The following KCNT1 variants were observed in gnomAD, a reference collection of about 807,000 sequenced individuals.
KCNT1 encodes potassium channel subfamily T member 1.
In KCNT1, 78 loss-of-function variants were observed where a neutral mutation model predicts 147.8. The observed-to-expected ratio is 0.53, with a 90% CI of 0.44 to 0.64. The LOEUF (loss-of-function observed/expected upper bound fraction) is 0.64. KCNT1 is among the 30% of genes least tolerant of loss of function. KCNT1 has a pLI of 0.00. For missense variants in KCNT1, 1,419 were observed against 1,750.3 expected (o/e 0.81, Z 3.38); for synonymous variants, 867 against 748.8 (o/e 1.16, Z -2.58).
At chr9:135,710,088 T>C (rs1588249031) in intron 1 of KCNT1, among the ~76,000 whole-genome samples, 1 of 152,212 alleles carries the variant, frequency 6.6e-6, no homozygotes, top group Non-Finnish European at 1.5e-5. Flanking sequence ...CGCTTATTCT[T>C]TCCTTTTGCC....
At chr9:135,707,121 A>AT (rs1293152289) in intron 1 of KCNT1, among the ~76,000 whole-genome samples, 1 of 149,700 alleles carries the variant, frequency 6.7e-6, no homozygotes, top group Non-Finnish European at 1.5e-5. Flanking sequence ...CCCTGTCTCT[A>AT]CAAAAAAAAA....
At chr9:135,759,383 C>G (rs1320646450) in intron 10 of KCNT1, among the ~76,000 whole-genome samples, 1 of 150,198 alleles carries the variant, frequency 6.7e-6, no homozygotes, top group Non-Finnish European at 1.5e-5. Flanking sequence ...TAGGAGAGAG[C>G]CACCCGGCAG....
intron 28 of KCNT1, 115 bp downstream of exon 28, chr9:135,785,445 G>C: frequency 2.4e-6 from 3 of 1,266,078 alleles, no homozygotes; most frequent in Non-Finnish European, 3.2e-6. Context: ...CCCTGGGAAA[G>C]CCGAGGCAGG....
intron 2 of KCNT1, chr9:135,742,809 T>C: frequency 1.4e-6 from 1 of 717,208 alleles, no homozygotes. Flanking sequence ...CTCCTCCCTG[T>C]CTCAGTAAGT....
intron 20 of KCNT1, among the ~76,000 whole-genome samples, chr9:135,775,962 A>C (rs1377242664): frequency 1.3e-5 from 2 of 151,198 alleles, no homozygotes; most frequent in African/African-American, 2.4e-5. Flanking sequence ...ATATTTTTGC[A>C]GAGCAGGGAC....
At chr9:135,755,358 GACCCAGGCTCAGCAAATGCTGAGGACAA>G (rs1249128949) in intron 6 of KCNT1, among the ~76,000 whole-genome samples, 189 bp downstream of exon 6, 1 of 143,344 alleles carries the variant, frequency 7.0e-6, no homozygotes, top group Non-Finnish European at 1.5e-5. Context: ...GTAAGCAGGG[GACCCAGGCTCAGCAAATGCTGAGGACAA>G]ACCCAGGCTC....
In KCNT1 at chr9:135,792,223, CGT is replaced by C. The variant is rs1288871296; in HGVS notation, c.*66_*67del. 2 of 1,553,618 alleles carry C rather than the reference CGT, an allele frequency of 1.3e-6. No individual in the cohort carries two copies. Among genetic ancestry groups the C allele is most frequent in the Non-Finnish European group, 8.7e-7 (1 of 1,150,600 alleles). ...GGTCCTCAGGAAGGACGTGGAGGAG[CGT>C]GTGAGGACACGGTGGCACTAGCGTG... is the stretch of plus-strand genomic sequence containing the variant. On this transcript the variant is annotated 3_prime_UTR_variant, in exon 31 of 31. Coordinates refer to ENST00000371757, the MANE Select transcript of KCNT1 (RefSeq NM_020822.3).
At chr9:135,772,413 C>T (rs899381923) in intron 18 of KCNT1, among the ~76,000 whole-genome samples, 1 of 152,204 alleles carries the variant, frequency 6.6e-6, no homozygotes, top group African/African-American at 2.4e-5. Flanking sequence ...CCCCCGAGCC[C>T]AGAATCAGCC....
intron 19 of KCNT1, 101 bp from the exon 20 acceptor site, chr9:135,775,209 G>A: frequency 1.3e-6 from 1 of 771,002 alleles, no homozygotes; most frequent in Non-Finnish European, 2.1e-6. Flanking sequence ...GTGGCTGTGG[G>A]TGGAGTGGGT....
At chr9:135,751,767 G>A (rs1299862050) in intron 4 of KCNT1, among the ~76,000 whole-genome samples, 4 of 152,182 alleles carry the variant, frequency 2.6e-5, no homozygotes, top group Admixed American at 2.6e-4. Context: ...GGCCTGTCCT[G>A]AGTCATGTCT....
chr9:135,738,423 G>A (rs1830426040), intron 2 of KCNT1, among the ~76,000 whole-genome samples: 1 of 152,202 alleles, frequency 6.6e-6, no homozygotes, highest in Admixed American at 6.5e-5. Flanking sequence ...GACTTGGTAG[G>A]TTTGTTCTTC....
At position 135,756,869 on chromosome 9, in the gene KCNT1, C is replaced by G. The variant is rs888766216; in HGVS notation, c.541-4C>G. 5.6e-6 allele frequency: 9 copies of G among 1,613,120 alleles called. No homozygotes were observed. The highest frequency in any genetic ancestry group is 1.7e-5 in the Admixed American group (1 of 60,006). On this transcript the variant is annotated splice_polypyrimidine_tract_variant and splice_region_variant and intron_variant, in intron 6 of 30. Transcript: ENST00000371757. The stretch of plus-strand genomic sequence containing the variant: ...CAGAGCTCCTTCCCTTTCCTGACTC[C>G]CAGGTCATCGTGGCCATAATAAGCT...
intron 1 of KCNT1, among the ~76,000 whole-genome samples, chr9:135,708,778 C>G (rs1835358349): frequency 6.6e-6 from 1 of 152,212 alleles, no homozygotes; most frequent in African/African-American, 2.4e-5. Flanking sequence ...CTCCTGGGCT[C>G]AAGTGATCTG....
chr9:135,790,106 T>TG (rs1834382003), intron 29 of KCNT1: 1 of 151,830 alleles, frequency 6.6e-6, no homozygotes, highest in South Asian at 2.1e-4. Context: ...AGCTGGGGCC[T>TG]GGGGGCCAGT....
chr9:135,714,408 C>T lies in KCNT1; in HGVS notation c.111-169C>T, dbSNP rs991554148. The T allele has an allele frequency of 1.6e-5, 3 of 186,830 alleles. No individual in the cohort carries two copies. Among genetic ancestry groups the T allele is most frequent in the East Asian group, 3.8e-4 (2 of 5,248 alleles). 11.6% of individuals were successfully genotyped at this position (186,830 alleles called of 1,614,324 possible). A position where few individuals can be genotyped will look rare whatever the true frequency, so the allele number is the denominator to read the frequency against. On this transcript the variant is annotated intron_variant, in intron 1 of 30. Transcript: ENST00000371757. This position sits in a 1 kb window ranked among gnomAD's most constrained non-coding sequence, Gnocchi z 6.2. The stretch of plus-strand genomic sequence containing the variant: ...AGCCCGGCGCAGCCGGTCCCGCGCG[C>T]CCCCGCCCGCATGTGCCGCCAGGCC...
intron 2 of KCNT1, among the ~76,000 whole-genome samples, chr9:135,732,022 A>AGAGAGAGAGAGG (rs1836492576): frequency 3.9e-5 from 5 of 129,408 alleles, no homozygotes; most frequent in Admixed American, 1.5e-4. Flanking sequence ...AGAGAGAGAG[A>AGAGAGAGAGAGG]GAGAGAGAGA....
In KCNT1 at chr9:135,793,583, C is replaced by T. The variant is rs1834691172; in HGVS notation, c.*1422C>T. The T allele has an allele frequency of 6.6e-6, 1 of 152,300 alleles. No individual in the cohort carries two copies. Among genetic ancestry groups the T allele is most frequent in the Non-Finnish European group, 1.5e-5 (1 of 68,102 alleles). 9.4% of individuals were successfully genotyped at this position (152,300 alleles called of 1,614,324 possible). ...ACCTCACCACGTTCACTTCAGGGTA[C>T]CCCAAGAGGCTGAAGGGGAAGGACC... On this transcript the variant is annotated 3_prime_UTR_variant, in exon 31 of 31. Transcript: ENST00000371757.
At chr9:135,762,012 C>T (rs1026846825) in intron 11 of KCNT1, among the ~76,000 whole-genome samples, 32 of 152,380 alleles carry the variant, frequency 2.1e-4, no homozygotes, top group African/African-American at 7.5e-4. Flanking sequence ...GTGGCACCCA[C>T]GGGTAAGGGC....
intron 2 of KCNT1, among the ~76,000 whole-genome samples, chr9:135,744,054 C>T (rs747676443): frequency 6.6e-6 from 1 of 152,100 alleles, no homozygotes; most frequent in Non-Finnish European, 1.5e-5. Context: ...AAGAGCCAGC[C>T]GGCACCCAGC....
Sources: allele counts gnomAD v4.1 joint callset (sites outside exome capture counted in the v4.1 genomes callset), GRCh38; gene constraint gnomAD v4.1.1; non-coding constraint Gnocchi (gnomAD v3.1); transcripts MANE v1.5; gene names NCBI Gene and HGNC (gene_info 2026-07-23, HGNC 2026-07-21).